Variants in ANKRD26 observed in about 807,000 individuals in gnomAD.
ANKRD26 encodes ankyrin repeat domain-containing protein 26.
A neutral mutation model predicts 208.7 loss-of-function variants in ANKRD26; 141 were observed. The observed-to-expected ratio is 0.68, with a 90% CI of 0.59 to 0.78. ANKRD26 has a LOEUF of 0.78. ANKRD26 is among the 30% of genes least tolerant of loss of function. The probability of loss-of-function intolerance (pLI) is 0.00; values close to 1 mark genes in which losing one functional copy is unlikely to be tolerated. For synonymous variants in ANKRD26, 636 were observed against 660.4 expected (o/e 0.96, Z 0.57); for missense variants, 1,889 against 1,938.7 (o/e 0.97, Z 0.48).
Position 27,100,412 on chromosome 10 carries a change from G to A in ANKRD26, c.-86C>T, listed in dbSNP as rs1290202605. 32 of 1,565,640 alleles carry A rather than the reference G, an allele frequency of 2.0e-5. No individual in the cohort carries two copies. In the Admixed American group the frequency reaches 4.5e-4, roughly 22 times the overall value. ...GAGCCCAACATAACAAGTCAGCCCC[G>A]GCTGGCCGCAGCCTCCCAAAGGAAA... On this transcript the variant is annotated 5_prime_UTR_variant, in exon 1 of 34. Coordinates refer to ENST00000376087, the MANE Select transcript of ANKRD26 (RefSeq NM_014915.3).
chr10:26,987,923 G>C (rs1362217523), downstream of ANKRD26, among the ~76,000 whole-genome samples: 1 of 152,192 alleles, frequency 6.6e-6, no homozygotes, highest in Non-Finnish European at 1.5e-5. Flanking sequence ...GCTGTTGGCT[G>C]TAATACCCTA....
intron 32 of ANKRD26, among the ~76,000 whole-genome samples, chr10:27,009,737 A>G (rs1181261513): frequency 1.2e-4 from 18 of 152,238 alleles, no homozygotes; most frequent in Admixed American, 1.2e-3. Flanking sequence ...TATGGAGTAA[A>G]ATAAATAAAC....
At chr10:27,049,958 C>T (rs12573268) in intron 16 of ANKRD26, among the ~76,000 whole-genome samples, 2,942 of 152,134 alleles carry the variant, frequency 0.019, 156 homozygotes, top group East Asian at 0.16. Flanking sequence ...CGCAGTGGCT[C>T]ACGCCTGTAA....
chr10:27,011,649 T>C (rs2053116328), intron 32 of ANKRD26, among the ~76,000 whole-genome samples: 1 of 152,168 alleles, frequency 6.6e-6, no homozygotes, highest in South Asian at 2.1e-4. Context: ...TTTCTATTGT[T>C]CTAGAAGAGC....
intron 32 of ANKRD26, among the ~76,000 whole-genome samples, chr10:27,011,261 T>G (rs2134875725): frequency 6.6e-6 from 1 of 152,318 alleles, no homozygotes; most frequent in East Asian, 1.9e-4. Context: ...TTTATGCTTC[T>G]TGTAATTTTT....
chr10:26,983,124 T>C (rs987699119), intron 3 of ANKRD26, among the ~76,000 whole-genome samples: 3 of 152,208 alleles, frequency 2.0e-5, no homozygotes, highest in Non-Finnish European at 4.4e-5. Context: ...TGAGTCCTCA[T>C]TGTTTAGCAA....
chr10:27,062,174 G>A (rs1474473454), intron 12 of ANKRD26: 4 of 983,972 alleles, frequency 4.1e-6, no homozygotes, highest in Admixed American at 6.2e-5. Flanking sequence ...TCTTTTTATG[G>A]AACATTCTCA....
chr10:26,972,123 T>C (rs2052156531), downstream of ANKRD26, among the ~76,000 whole-genome samples: 1 of 151,344 alleles, frequency 6.6e-6, no homozygotes, highest in Non-Finnish European at 1.5e-5. Context: ...TAGTCCCAGC[T>C]ACTCGGGAGG....
At chr10:27,097,318 A>G (rs2135767312) in intron 1 of ANKRD26, among the ~76,000 whole-genome samples, 2 of 94,384 alleles carry the variant, frequency 2.1e-5, no homozygotes, top group Middle Eastern at 9.2e-3. Context: ...TACTAGAAAT[A>G]CAAAAAAAAA....
intron 16 of ANKRD26, chr10:27,051,315 T>A: frequency 7.8e-7 from 1 of 1,284,240 alleles, no homozygotes; most frequent in South Asian, 1.3e-5. Context: ...CTTGTAAGCG[T>A]CTGTACCAGC....
Position 27,034,960 on chromosome 10 carries a change from C to A in ANKRD26, c.3490G>T (p.Val1164Leu), listed in dbSNP as rs373575172. 41 of 1,613,982 alleles carry A rather than the reference C, an allele frequency of 2.5e-5. No homozygotes were observed. Among genetic ancestry groups the A allele is most frequent in the Non-Finnish European group, 3.5e-5 (41 of 1,179,972 alleles). The change falls in exon 24 of 34, where the codon GTG (valine) becomes TTG (leucine). Residue 1164 changes from valine to leucine, a missense_variant. Val to Leu is a conservative substitution (Grantham distance 32). Around this residue, in one of 3 missense-constraint regions of ANKRD26, gnomAD observed 613 missense variants for 648.2 expected, o/e 0.95. Coordinates refer to ENST00000376087, the MANE Select transcript of ANKRD26 (RefSeq NM_014915.3). ...HNKADNKEKT[V>L]INIQDQFHAI... ...TGAAACTGGTCTTGGATATTAATCA[C>A]TGTCTTCTCTTTATTGTCAGCCTTG...
Position 27,034,977 on chromosome 10 carries a change from T to A in ANKRD26, c.3473A>T (p.Asp1158Val). 1 of 1,614,140 alleles carries A rather than the reference T, an allele frequency of 6.2e-7. No individual in the cohort carries two copies. The highest frequency in any genetic ancestry group is 1.7e-5 in the Admixed American group (1 of 60,026). ...QQLDDAHNKA[D>V]NKEKTVINIQ... Reference sequence around the variant, plus strand: ...ATTAATCACTGTCTTCTCTTTATTGTCAGCCTTGTTGTGGGCATCATCCAG... The same window carrying A: ...ATTAATCACTGTCTTCTCTTTATTGACAGCCTTGTTGTGGGCATCATCCAG... Residue 1158 changes from aspartate (D) to valine (V), a missense_variant, in exon 24 of 34, where the codon GAC becomes GTC. Asp to Val is a radical substitution (Grantham distance 152). Coordinates refer to ENST00000376087, the MANE Select transcript of ANKRD26 (RefSeq NM_014915.3).
intron 5 of ANKRD26, among the ~76,000 whole-genome samples, chr10:26,979,152 G>A (rs541422373): frequency 3.3e-5 from 5 of 152,162 alleles, no homozygotes; most frequent in South Asian, 2.1e-4. Context: ...CCCGGGAGGC[G>A]GAGCTTGCAG....
chr10:27,001,177 A>T (rs554732713), downstream of ANKRD26, among the ~76,000 whole-genome samples: 11 of 152,134 alleles, frequency 7.2e-5, no homozygotes, highest in Non-Finnish European at 1.5e-4. Flanking sequence ...CTCTTCCTGA[A>T]CATTTCGGTT....
chr10:27,023,379 TGAATGGTTG>T (rs2053554058), intron 28 of ANKRD26, among the ~76,000 whole-genome samples: 1 of 148,428 alleles, frequency 6.7e-6, no homozygotes. Context: ...TACTTATACA[TGAATGGTTG>T]AAAAAGACAC....
chr10:27,033,479 T>TA (rs2053947089), intron 24 of ANKRD26, 102 bp from the exon 25 acceptor site: 3 of 1,154,290 alleles, frequency 2.6e-6, no homozygotes, highest in East Asian at 2.7e-5. Context: ...ATATACAACT[T>TA]AAAAAATATT....
intron 16 of ANKRD26, 91 bp downstream of exon 16, chr10:27,053,229 T>A: frequency 1.1e-6 from 1 of 910,514 alleles, no homozygotes; most frequent in Non-Finnish European, 1.7e-6. Flanking sequence ...TCTAAAAGGC[T>A]AGTCTGAAAA....
At chr10:27,094,740 G>C (rs1037256372) in intron 1 of ANKRD26, among the ~76,000 whole-genome samples, 2 of 152,216 alleles carry the variant, frequency 1.3e-5, no homozygotes, top group Non-Finnish European at 2.9e-5. Flanking sequence ...GGCGGCTCAT[G>C]CCTGAATCCC....
At chr10:26,988,159 G>T (rs1038611082), downstream of ANKRD26, among the ~76,000 whole-genome samples, 1 of 152,104 alleles carries the variant, frequency 6.6e-6, no homozygotes, top group Non-Finnish European at 1.5e-5. Context: ...AGCCATAAGG[G>T]TGAAATCTGG....
Sources: allele counts gnomAD v4.1 joint callset (sites outside exome capture counted in the v4.1 genomes callset), GRCh38; gene constraint gnomAD v4.1.1; regional missense constraint gnomAD v4.1.1; transcripts MANE v1.5; gene names NCBI Gene and HGNC (gene_info 2026-07-23, HGNC 2026-07-21).